The following LNPK variants were observed in gnomAD, a reference collection of about 807,000 sequenced individuals.
The protein encoded by LNPK is lunapark, ER junction formation factor, also known as endoplasmic reticulum junction formation protein lunapark.
Under a neutral mutation model 55.2 loss-of-function variants are expected in LNPK, and 29 were observed. That is an observed-to-expected ratio of 0.53 (90% CI 0.39 to 0.72). The LOEUF is 0.72. LNPK is among the 30% of genes least tolerant of loss of function. The pLI is 0.00. For missense variants in LNPK, 467 were observed against 494.8 expected, an observed-to-expected ratio of 0.94 and a Z score of 0.53; for synonymous variants, 162 against 168.2, an observed-to-expected ratio of 0.96 and a Z score of 0.29.
rs1294987121 is a variant in LNPK at position 175,947,638 on chromosome 2, G to C, written c.548C>G (p.Pro183Arg). The change falls in exon 9 of 13, where the codon CCT becomes CGT. Residue 183 changes from proline (P) to arginine (R), a missense_variant. Physicochemically the swap from Pro to Arg is moderately radical, Grantham distance 103 (BLOSUM62 -2). Coordinates refer to ENST00000272748, the MANE Select transcript of LNPK (RefSeq NM_030650.3). ...QRNLSPTPAS[P>R]NQGPPPQVPV... is the part of the protein sequence containing the mutation. ...AACTTGTGGAGGAGGGCCCTGGTTA[G>C]GGCTTGCTGGTGTTGGAGAAAGGTT... The C allele has an allele frequency of 6.2e-7, 1 of 1,613,780 alleles. No individual in the cohort carries two copies. The highest frequency in any genetic ancestry group is 8.5e-7 in the Non-Finnish European group (1 of 1,179,846).
intron 6 of LNPK, among the ~76,000 whole-genome samples, chr2:175,966,305 C>T (rs1158159158): frequency 6.6e-6 from 1 of 152,192 alleles, no homozygotes; most frequent in Non-Finnish European, 1.5e-5. Flanking sequence ...CTCAAGTGAT[C>T]CACATACCTC....
chr2:175,982,843 T>C (rs1687238327), intron 4 of LNPK, among the ~76,000 whole-genome samples: 1 of 152,220 alleles, frequency 6.6e-6, no homozygotes, highest in South Asian at 2.1e-4. Context: ...TTGACGATAT[T>C]AAGGATATTA....
chr2:175,975,059 A>G (rs1686848324), intron 5 of LNPK, among the ~76,000 whole-genome samples: 1 of 149,000 alleles, frequency 6.7e-6, no homozygotes. Context: ...GTCAGAAAGC[A>G]TATTTGCTTT....
At chr2:175,945,334 AC>A (rs1336406585) in intron 9 of LNPK, among the ~76,000 whole-genome samples, 1 of 149,966 alleles carries the variant, frequency 6.7e-6, no homozygotes, top group Non-Finnish European at 1.5e-5. Context: ...ATACGGCGAA[AC>A]TCCTACTAAA....
chr2:175,979,665 T>C (rs921447492), intron 5 of LNPK, 145 bp downstream of exon 5: 1 of 600,654 alleles, frequency 1.7e-6, no homozygotes, highest in African/African-American at 1.9e-5. Flanking sequence ...TGATCATTTA[T>C]AACCTTTCTC....
intron 5 of LNPK, among the ~76,000 whole-genome samples, chr2:175,975,370 A>G (rs971988449): frequency 1.3e-5 from 2 of 152,216 alleles, no homozygotes; most frequent in Non-Finnish European, 2.9e-5. Flanking sequence ...CATTTGTATA[A>G]CACTTCGCAA....
intron 12 of LNPK, among the ~76,000 whole-genome samples, chr2:175,932,446 AT>A (rs577098969): frequency 2.1e-3 from 325 of 152,292 alleles, no homozygotes; most frequent in Middle Eastern, 3.4e-3. Context: ...AGACTACAAA[AT>A]TGGTGAAATG....
chr2:175,929,081 T>C lies in LNPK; in HGVS notation c.*886A>G. 2.0e-6 allele frequency: 2 copies of C among 983,954 alleles called. No homozygotes were observed. The highest frequency in any genetic ancestry group is 1.2e-6 in the Non-Finnish European group (1 of 828,248). The allele number at this position is 983,954 out of a possible 1,614,324, so 61.0% of individuals were successfully genotyped here. A position where few individuals can be genotyped will look rare whatever the true frequency, so the allele number is the denominator to read the frequency against. ...CAGGTAGCCAAGTCACCCACCAAGA[T>C]ACTGTTTGAAGAAGACTAGATATTT... On this transcript the variant is annotated 3_prime_UTR_variant, in exon 13 of 13. Coordinates refer to ENST00000272748, the MANE Select transcript of LNPK (RefSeq NM_030650.3).
At chr2:175,953,364 C>T (rs1190654827) in intron 8 of LNPK, among the ~76,000 whole-genome samples, 1 of 152,116 alleles carries the variant, frequency 6.6e-6, no homozygotes, top group Non-Finnish European at 1.5e-5. Context: ...CAACCTTTCT[C>T]CTGAGCTCCA....
chr2:175,990,740 C>T (rs945617265), intron 4 of LNPK, among the ~76,000 whole-genome samples: 1 of 152,086 alleles, frequency 6.6e-6, no homozygotes, highest in African/African-American at 2.4e-5. Context: ...GATAACCGGT[C>T]TGTGCTTCAA....
chr2:175,984,657 T>C (rs1016262757), intron 4 of LNPK, among the ~76,000 whole-genome samples: 8 of 152,024 alleles, frequency 5.3e-5, no homozygotes, highest in African/African-American at 1.7e-4. Flanking sequence ...AAAACCACAA[T>C]GAGATATTGC....
chr2:175,931,770 A>T (rs554726694), intron 12 of LNPK, among the ~76,000 whole-genome samples: 66 of 152,304 alleles, frequency 4.3e-4, no homozygotes, highest in Middle Eastern at 3.4e-3. Context: ...TTGTTATTTC[A>T]ATGTTCCAGA....
chr2:175,942,856 AAAT>A (rs1450063769), intron 9 of LNPK, among the ~76,000 whole-genome samples: 1 of 151,438 alleles, frequency 6.6e-6, no homozygotes, highest in African/African-American at 2.4e-5. Flanking sequence ...GAAAATACAA[AAAT>A]AATAAAGAAA....
chr2:175,939,408 T>C (rs1684704841), intron 10 of LNPK, 144 bp downstream of exon 10: 2 of 421,068 alleles, frequency 4.7e-6, no homozygotes, highest in East Asian at 7.1e-5. Context: ...TAATTGAATA[T>C]GTACTCTTTT....
rs1322714729 is a variant in LNPK at position 175,947,629 on chromosome 2, C to T, written c.557G>A (p.Gly186Asp). The T allele has an allele frequency of 1.2e-6, 2 of 1,613,804 alleles. No homozygotes were observed. The highest frequency in any genetic ancestry group is 1.7e-6 in the Non-Finnish European group (2 of 1,179,900). The change falls in exon 9 of 13, where the codon GGC (glycine) becomes GAC (aspartate). Residue 186 changes from glycine to aspartate, a missense_variant. Gly to Asp is a moderately conservative substitution (Grantham distance 94). Transcript: ENST00000272748. ...AGATACTGGAACTTGTGGAGGAGGG[C>T]CCTGGTTAGGGCTTGCTGGTGTTGG... is the stretch of plus-strand genomic sequence containing the variant. Reference protein sequence around the residue: ...LSPTPASPNQGPPPQVPVSPG... With the variant: ...LSPTPASPNQDPPPQVPVSPG...
chr2:175,962,189 A>T (rs1185593222), intron 8 of LNPK, among the ~76,000 whole-genome samples: 1 of 152,216 alleles, frequency 6.6e-6, no homozygotes, highest in Non-Finnish European at 1.5e-5. Flanking sequence ...TCTTCGCAGA[A>T]TTGGAAAAAA....
At chr2:175,945,590 A>G (rs1685086828) in intron 9 of LNPK, among the ~76,000 whole-genome samples, 1 of 152,112 alleles carries the variant, frequency 6.6e-6, no homozygotes, top group Admixed American at 6.5e-5. Flanking sequence ...ATTATCATCA[A>G]AAAATAAACT....
intron 8 of LNPK, among the ~76,000 whole-genome samples, chr2:175,953,824 T>G (rs1219638534): frequency 6.6e-6 from 1 of 151,770 alleles, no homozygotes; most frequent in Non-Finnish European, 1.5e-5. Flanking sequence ...GATGTAAAAT[T>G]CAAAGCCTCC....
rs34897061 is a variant in LNPK at position 175,964,389 on chromosome 2, G to C, written c.476C>G (p.Thr159Ser). 0.05 allele frequency: 80,732 copies of C among 1,612,372 alleles called. 2,437 individuals are homozygous for C. The highest frequency in any genetic ancestry group is 0.061 in the Non-Finnish European group (71,323 of 1,178,442). Residue 159 changes from threonine to serine, a missense_variant, in exon 8 of 13, where the codon ACT becomes AGT. Transcript: ENST00000272748. Reference sequence around the variant, plus strand: ...TTATTTACCTTGTCCAGGTCTTGCAGTTACAGCTGCTCCAGCAGATGGCGG... The same window carrying C: ...TTATTTACCTTGTCCAGGTCTTGCACTTACAGCTGCTCCAGCAGATGGCGG... Reference protein sequence around the residue: ...CEPPSAGAAVTARPGQEIRQR... With the variant: ...CEPPSAGAAVSARPGQEIRQR...
Sources: gnomAD v4.1 joint callset for allele counts (sites outside exome capture counted in the v4.1 genomes callset) on GRCh38, gnomAD v4.1.1 for gene constraint, MANE v1.5 for transcripts, NCBI Gene and HGNC (gene_info 2026-07-23, HGNC 2026-07-21) for gene names.